The following CADM2 variants were observed in gnomAD, a reference collection of about 807,000 sequenced individuals.
CADM2 encodes the protein immunoglobulin superfamily member 4D.
In CADM2, 12 loss-of-function variants were observed where a neutral mutation model predicts 49.8. The ratio of observed to expected loss-of-function variants is 0.24; its 90% CI spans 0.15 to 0.39. The LOEUF (loss-of-function observed/expected upper bound fraction) is 0.39. Among genes scored for constraint, CADM2 ranks in the 10% least tolerant of loss-of-function variants. CADM2 has a pLI of 1.00. For synonymous variants in CADM2, 214 were observed against 175.4 expected, an observed-to-expected ratio of 1.22 and a Z score of -1.74; for missense variants, 378 against 492.3, an observed-to-expected ratio of 0.77 and a Z score of 2.20.
intron 2 of CADM2, among the ~76,000 whole-genome samples, chr3:85,793,751 G>A (rs1313849792): frequency 6.6e-6 from 1 of 152,162 alleles, no homozygotes; most frequent in East Asian, 1.9e-4. Flanking sequence ...AGGTCTAAAT[G>A]CATCTTTGAC....
Position 85,284,763 on chromosome 3 carries a change from T to C in CADM2, c.61+325095T>C, listed in dbSNP as rs150725977. On this transcript the variant is annotated intron_variant, in intron 1 of 9. Coordinates refer to ENST00000383699, the MANE Select transcript of CADM2 (RefSeq NM_001167675.2). ...GAAGTGGGTGGCAGATCATCACAGGTTTTGTAGGACCTTGTAGGCTATATA... is the reference window on the plus strand; with the variant it reads ...GAAGTGGGTGGCAGATCATCACAGGCTTTGTAGGACCTTGTAGGCTATATA... Among the ~76,000 whole-genome samples the C allele has an allele frequency of 7.4e-3, 1,130 of 151,930 alleles. 10 individuals carry two copies. The highest frequency in any genetic ancestry group is 0.011 in the Non-Finnish European group (753 of 67,930).
intron 1 of CADM2, among the ~76,000 whole-genome samples, chr3:85,562,017 A>C (rs994526139): frequency 2.6e-5 from 4 of 152,128 alleles, no homozygotes; most frequent in Admixed American, 2.0e-4. Context: ...TAGGTAAAAA[A>C]TAGAGGTCCA....
intron 1 of CADM2, among the ~76,000 whole-genome samples, chr3:85,485,552 T>C (rs989684106): frequency 6.6e-6 from 1 of 152,028 alleles, no homozygotes; most frequent in Non-Finnish European, 1.5e-5. Context: ...CCACAGTTAT[T>C]TGAGTAATGT....
At chr3:85,208,188 C>T (rs2041696833) in intron 1 of CADM2, among the ~76,000 whole-genome samples, 1 of 152,080 alleles carries the variant, frequency 6.6e-6, no homozygotes, top group Non-Finnish European at 1.5e-5. Context: ...CTATATATAA[C>T]CTACATTTTC....
chr3:85,747,236 C>G (rs530994874), intron 2 of CADM2, among the ~76,000 whole-genome samples: 1 of 152,048 alleles, frequency 6.6e-6, no homozygotes, highest in African/African-American at 2.4e-5. Context: ...TTTTCTTTTA[C>G]TCATGCATTC....
intron 2 of CADM2, among the ~76,000 whole-genome samples, chr3:85,767,793 T>A (rs1375103537): frequency 6.6e-6 from 1 of 152,120 alleles, no homozygotes; most frequent in Non-Finnish European, 1.5e-5. Flanking sequence ...TGCACATACC[T>A]CCATCTCTAT....
At chr3:85,458,997 C>G (rs1016231034) in intron 1 of CADM2, among the ~76,000 whole-genome samples, 24 of 152,118 alleles carry the variant, frequency 1.6e-4, no homozygotes, top group Non-Finnish European at 1.5e-5. Context: ...AAAATCATAT[C>G]ATTTTACTTA....
intron 1 of CADM2, among the ~76,000 whole-genome samples, chr3:85,713,775 G>A (rs1228046609): frequency 6.6e-6 from 1 of 152,188 alleles, no homozygotes; most frequent in Non-Finnish European, 1.5e-5. Context: ...TTATGGAAAT[G>A]ATGGATTATA....
intron 1 of CADM2, among the ~76,000 whole-genome samples, chr3:85,575,627 A>T (rs1035927676): frequency 1.6e-4 from 25 of 152,344 alleles, no homozygotes; most frequent in African/African-American, 5.8e-4. Flanking sequence ...AGTATGCTAA[A>T]TTTTTATGTA....
intron 1 of CADM2, among the ~76,000 whole-genome samples, chr3:85,550,309 T>C (rs1191682958): frequency 1.3e-5 from 2 of 152,192 alleles, no homozygotes; most frequent in African/African-American, 4.8e-5. Flanking sequence ...CAGTAAAAAT[T>C]TGCTCAAGTA....
intron 1 of CADM2, among the ~76,000 whole-genome samples, chr3:84,974,096 T>A (rs1472879438): frequency 1.3e-5 from 2 of 152,130 alleles, no homozygotes; most frequent in African/African-American, 4.8e-5. Flanking sequence ...TTAACTTTGA[T>A]GATCCCAAGA....
At chr3:86,045,475 G>T (rs1736546665) in intron 8 of CADM2, among the ~76,000 whole-genome samples, 1 of 152,024 alleles carries the variant, frequency 6.6e-6, no homozygotes, top group South Asian at 2.1e-4. Flanking sequence ...GTTGATAAAT[G>T]CACTCAGAAT....
At chr3:85,661,106 T>G (rs1395115999) in intron 1 of CADM2, among the ~76,000 whole-genome samples, 1 of 152,242 alleles carries the variant, frequency 6.6e-6, no homozygotes, top group East Asian at 1.9e-4. Context: ...TTATTCATCC[T>G]CCCCTTAGGG....
chr3:85,817,465 A>C (rs2108163287), intron 3 of CADM2, among the ~76,000 whole-genome samples: 1 of 152,320 alleles, frequency 6.6e-6, no homozygotes, highest in East Asian at 1.9e-4. Flanking sequence ...CTATCTCTAA[A>C]TAGTGAATTT....
At chr3:85,410,082 A>G (rs1480388440) in intron 1 of CADM2, among the ~76,000 whole-genome samples, 1 of 152,172 alleles carries the variant, frequency 6.6e-6, no homozygotes, top group East Asian at 1.9e-4. Flanking sequence ...TACATAAAGG[A>G]AGAAAGGAAT....
chr3:85,917,571 C>G (rs1228841203), intron 6 of CADM2, among the ~76,000 whole-genome samples: 1 of 152,084 alleles, frequency 6.6e-6, no homozygotes, highest in Admixed American at 6.6e-5. Context: ...GTTACTGTAG[C>G]CTTGTAGTAT....
intron 1 of CADM2, among the ~76,000 whole-genome samples, chr3:85,180,788 G>A (rs565193965): frequency 6.6e-6 from 1 of 152,092 alleles, no homozygotes; most frequent in African/African-American, 2.4e-5. Context: ...TACATTTCTG[G>A]AATATAAAGC....
chr3:85,489,169 A>G (rs1164334448), intron 1 of CADM2, among the ~76,000 whole-genome samples: 1 of 152,152 alleles, frequency 6.6e-6, no homozygotes, highest in Non-Finnish European at 1.5e-5. Flanking sequence ...ATCTTACTTC[A>G]AATCCTACAT....
chr3:85,225,386 T>C (rs546649638), intron 1 of CADM2, among the ~76,000 whole-genome samples: 1 of 152,090 alleles, frequency 6.6e-6, no homozygotes, highest in Non-Finnish European at 1.5e-5. Context: ...GTTCACTCAT[T>C]ATTTGGCTCT....
Sources: gnomAD v4.1 joint callset for allele counts (sites outside exome capture counted in the v4.1 genomes callset) on GRCh38, gnomAD v4.1.1 for gene constraint, MANE v1.5 for transcripts, NCBI Gene and HGNC (gene_info 2026-07-23, HGNC 2026-07-21) for gene names.